MTMR2: variants seen among roughly 807,000 people sequenced by gnomAD.
The protein encoded by MTMR2 is phosphatidylinositol-3,5-bisphosphate 3-phosphatase MTMR2.
MTMR2 carries 55 observed loss-of-function variants against 86.9 expected under a neutral mutation model. That is an observed-to-expected ratio of 0.63 (90% confidence interval 0.51 to 0.79). The LOEUF is 0.79. MTMR2 is among the 30% of genes least tolerant of loss of function. The pLI is 0.00. For missense variants in MTMR2, 659 were observed against 772.3 expected, an observed-to-expected ratio of 0.85 and a Z score of 1.74; for synonymous variants, 241 against 266.8, an observed-to-expected ratio of 0.90 and a Z score of 0.94.
chr11:95,839,679 T>TA (rs1428666422), intron 12 of MTMR2, among the ~76,000 whole-genome samples: 1 of 152,144 alleles, frequency 6.6e-6, no homozygotes, highest in African/African-American at 2.4e-5. Flanking sequence ...AGGATGGAAA[T>TA]AGGAGGAGAG....
At chr11:95,901,501 T>A (rs1866073334) in intron 1 of MTMR2, among the ~76,000 whole-genome samples, 1 of 152,242 alleles carries the variant, frequency 6.6e-6, no homozygotes, top group Non-Finnish European at 1.5e-5. Context: ...TGAAACCCCA[T>A]CCCTCCCCTT....
At chr11:95,919,417 T>C (rs1866829647) in intron 1 of MTMR2, among the ~76,000 whole-genome samples, 1 of 152,102 alleles carries the variant, frequency 6.6e-6, no homozygotes, top group Non-Finnish European at 1.5e-5. Flanking sequence ...AAGATGCTCA[T>C]CAATGCTAAT....
chr11:95,903,976 G>T (rs749815867), intron 1 of MTMR2, among the ~76,000 whole-genome samples: 1 of 152,014 alleles, frequency 6.6e-6, no homozygotes, highest in African/African-American at 2.4e-5. Flanking sequence ...TTAGCCAGGC[G>T]TGGTGGCACA....
intron 1 of MTMR2, among the ~76,000 whole-genome samples, chr11:95,895,058 G>A (rs1010836056): frequency 1.7e-4 from 25 of 151,510 alleles, no homozygotes; most frequent in African/African-American, 5.3e-4. Context: ...AAAACATTGG[G>A]TTATGAAACA....
rs914338798 is a variant in MTMR2, at chr11:95,908,195, G to A, written c.80+15680C>T. ...GAAAGTCAGTAGTATTTCTATACAC[G>A]AACAAAATTCAAGCTGAGTGCCAAA... is the stretch of plus-strand genomic sequence containing the variant. On this transcript the variant is annotated intron_variant, in intron 1 of 14. Coordinates refer to ENST00000346299, the MANE Select transcript of MTMR2 (RefSeq NM_016156.6). Among the ~76,000 whole-genome samples, 112 of 151,010 alleles carry A rather than the reference G, an allele frequency of 7.4e-4. 1 individual carries two copies. The highest frequency in any genetic ancestry group is 2.6e-3 in the African/African-American group (106 of 41,044).
At chr11:95,840,298 C>T (rs753717688) in intron 12 of MTMR2, among the ~76,000 whole-genome samples, 2 of 151,964 alleles carry the variant, frequency 1.3e-5, no homozygotes, top group Non-Finnish European at 2.9e-5. Context: ...CCTTTGATGG[C>T]GAATTTTATT....
intron 12 of MTMR2, among the ~76,000 whole-genome samples, chr11:95,840,945 G>A (rs528016298): frequency 6.6e-6 from 1 of 152,210 alleles, no homozygotes; most frequent in South Asian, 2.1e-4. Flanking sequence ...GTTTCGAGAT[G>A]GTTTGAGTCA....
chr11:95,850,283 AAAAAG>A (rs1863966652), intron 8 of MTMR2, among the ~76,000 whole-genome samples: 1 of 151,772 alleles, frequency 6.6e-6, no homozygotes, highest in Admixed American at 6.6e-5. Context: ...CTTAAAAAAA[AAAAAG>A]AACATTTATC....
intron 2 of MTMR2, among the ~76,000 whole-genome samples, chr11:95,879,815 A>C (rs192985063): frequency 1.1e-3 from 170 of 152,242 alleles, no homozygotes; most frequent in African/African-American, 3.8e-3. Flanking sequence ...CAGACTTGTC[A>C]TTACAAACTT....
intron 1 of MTMR2, among the ~76,000 whole-genome samples, chr11:95,894,814 T>C (rs1237522422): frequency 2.6e-5 from 4 of 152,116 alleles, no homozygotes; most frequent in Non-Finnish European, 5.9e-5. Flanking sequence ...AAGAAGACAG[T>C]ACCAAGGGAA....
intron 1 of MTMR2, among the ~76,000 whole-genome samples, chr11:95,894,565 C>T (rs1357092095): frequency 2.0e-5 from 3 of 152,164 alleles, no homozygotes; most frequent in Admixed American, 6.5e-5. Flanking sequence ...TAAGAACTTA[C>T]GTCTCGTGGA....
intron 2 of MTMR2, among the ~76,000 whole-genome samples, chr11:95,883,530 T>C (rs950601882): frequency 2.6e-5 from 4 of 152,226 alleles, no homozygotes; most frequent in Non-Finnish European, 5.9e-5. Context: ...TCTACAATTA[T>C]GTCACCAGAA....
intron 12 of MTMR2, among the ~76,000 whole-genome samples, chr11:95,840,837 T>C (rs770472676): frequency 2.0e-5 from 3 of 152,208 alleles, no homozygotes; most frequent in Non-Finnish European, 4.4e-5. Context: ...TAAATTCATA[T>C]GGCAATCTAA....
chr11:95,888,102 C>T lies in MTMR2; in HGVS notation c.186+54G>A. On this transcript the variant is annotated intron_variant, in intron 2 of 14. Coordinates refer to ENST00000346299, the MANE Select transcript of MTMR2 (RefSeq NM_016156.6). ...AAATTAGTTATATTGATAGTGTTGG[C>T]CACAAATATTTAACAGAAAGTACTT... 5 of 1,300,636 alleles carry T rather than the reference C, an allele frequency of 3.8e-6. No individual in the cohort carries two copies. In the South Asian group the frequency reaches 6.0e-5, roughly 16 times the overall value. The allele number at this position is 1,300,636 out of a possible 1,614,324, so 80.6% of individuals were successfully genotyped here.
At chr11:95,899,884 G>A (rs182274752) in intron 1 of MTMR2, among the ~76,000 whole-genome samples, 2 of 152,226 alleles carry the variant, frequency 1.3e-5, no homozygotes, top group South Asian at 2.1e-4. Flanking sequence ...AATAAACCTC[G>A]ATACCATGCT....
intron 13 of MTMR2, 57 bp from the exon 14 acceptor site, chr11:95,836,381 G>C (rs1863286735): frequency 6.7e-7 from 1 of 1,487,050 alleles, no homozygotes; most frequent in East Asian, 2.3e-5. Flanking sequence ...TTACACTTTA[G>C]ATGAAATTTG....
intron 12 of MTMR2, among the ~76,000 whole-genome samples, chr11:95,841,339 T>C (rs1401207837): frequency 6.6e-6 from 1 of 152,222 alleles, no homozygotes; most frequent in African/African-American, 2.4e-5. Context: ...AATGTGTTTT[T>C]AGGTGAGCCT....
chr11:95,855,565 G>T (rs1864180106), intron 7 of MTMR2, among the ~76,000 whole-genome samples: 1 of 152,120 alleles, frequency 6.6e-6, no homozygotes, highest in Non-Finnish European at 1.5e-5. Flanking sequence ...GCCCATTTTT[G>T]AAGAGATATA....
intron 10 of MTMR2, among the ~76,000 whole-genome samples, chr11:95,845,522 G>A (rs1489935730): frequency 6.6e-6 from 1 of 152,076 alleles, no homozygotes; most frequent in Non-Finnish European, 1.5e-5. Context: ...TATAGCAATT[G>A]AAGCCTTGTT....
Sources: allele counts gnomAD v4.1 joint callset (sites outside exome capture counted in the v4.1 genomes callset), GRCh38; gene constraint gnomAD v4.1.1; transcripts MANE v1.5; gene names NCBI Gene and HGNC (gene_info 2026-07-23, HGNC 2026-07-21).